The following GPR160 variants were observed in gnomAD, a reference collection of about 807,000 sequenced individuals.
The protein encoded by GPR160 is probable G protein-coupled receptor 160.
A neutral mutation model predicts 2.6 loss-of-function variants in GPR160; 2 were observed. The observed-to-expected ratio is 0.77, with a 90% CI of 0.32 to 2.44. GPR160 has a LOEUF of 2.44. Ranked by LOEUF, GPR160 falls within the 30% of genes most tolerant of loss-of-function variation. The pLI is 0.11. For synonymous variants in GPR160, 130 were observed against 132.2 expected (o/e 0.98, Z 0.12); for missense variants, 351 against 383.6 (o/e 0.91, Z 0.71).
intron 2 of GPR160, chr3:170,077,874 CTG>C (rs1475401092): frequency 4.8e-5 from 8 of 167,308 alleles, no homozygotes. Context: ...AGCTGGTGCC[CTG>C]TGTGAGGAAC....
At chr3:170,064,146 T>C (rs1324483466) in intron 2 of GPR160, among the ~76,000 whole-genome samples, 2 of 152,202 alleles carry the variant, frequency 1.3e-5, no homozygotes, top group Non-Finnish European at 2.9e-5. Flanking sequence ...GAGATGATAC[T>C]CTATTCTAAT....
chr3:170,043,793 A>T (rs1559980624), intron 2 of GPR160, among the ~76,000 whole-genome samples: 1 of 152,050 alleles, frequency 6.6e-6, no homozygotes. Flanking sequence ...GGGCCAGCAT[A>T]GAGCTTAAAA....
intron 2 of GPR160, among the ~76,000 whole-genome samples, chr3:170,068,818 G>A (rs1712462309): frequency 6.6e-6 from 1 of 151,942 alleles, no homozygotes; most frequent in Admixed American, 6.6e-5. Flanking sequence ...TTGTGGATTT[G>A]TTTAACTTTC....
At chr3:170,069,984 A>G (rs1240830328) in intron 2 of GPR160, among the ~76,000 whole-genome samples, 2 of 152,044 alleles carry the variant, frequency 1.3e-5, no homozygotes, top group Non-Finnish European at 2.9e-5. Context: ...GTGTACCAGC[A>G]TCCCTAGTAT....
intron 2 of GPR160, among the ~76,000 whole-genome samples, chr3:170,069,557 C>G (rs1248936268): frequency 2.0e-5 from 3 of 152,076 alleles, no homozygotes; most frequent in African/African-American, 7.2e-5. Flanking sequence ...ATTTTCCAGC[C>G]TCTGAAATTT....
chr3:170,074,419 G>A lies in GPR160; in HGVS notation c.-192-5355G>A, dbSNP rs147966178. On this transcript the variant is annotated intron_variant, in intron 2 of 3. Coordinates refer to ENST00000355897, the MANE Select transcript of GPR160 (RefSeq NM_014373.3). ...TTTTTTCCCCTAAAGAAGCAGTTTTGTATCGATTTTCTTTCTGTTGTTTTG... is the reference window on the plus strand; with the variant it reads ...TTTTTTCCCCTAAAGAAGCAGTTTTATATCGATTTTCTTTCTGTTGTTTTG... 9.2e-5 allele frequency among the ~76,000 whole-genome samples: 14 copies of A among 151,964 alleles called. No homozygotes were observed. In the East Asian group the frequency reaches 2.7e-3, roughly 29 times the overall value.
At chr3:170,052,133 C>T (rs1241386463) in intron 2 of GPR160, among the ~76,000 whole-genome samples, 3 of 152,228 alleles carry the variant, frequency 2.0e-5, no homozygotes, top group South Asian at 2.1e-4. Flanking sequence ...ACCATGTCGA[C>T]CAGGTTGATC....
intron 2 of GPR160, among the ~76,000 whole-genome samples, chr3:170,041,285 A>G (rs1576883754): frequency 6.7e-6 from 1 of 150,148 alleles, no homozygotes; most frequent in East Asian, 2.0e-4. Flanking sequence ...TCACTAGTCT[A>G]AAGGATGTAA....
intron 3 of GPR160, among the ~76,000 whole-genome samples, chr3:170,080,106 T>C (rs1002131254): frequency 3.9e-5 from 6 of 152,206 alleles, no homozygotes; most frequent in Admixed American, 6.5e-5. Context: ...TAAAGAATCA[T>C]GCAGGAAAAG....
At chr3:170,059,852 C>A (rs1040176790) in intron 2 of GPR160, among the ~76,000 whole-genome samples, 3 of 152,080 alleles carry the variant, frequency 2.0e-5, no homozygotes, top group Non-Finnish European at 4.4e-5. Flanking sequence ...ACTCCCCCCT[C>A]TAGCAGGCCC....
In GPR160 at chr3:170,038,291, C is replaced by T. The variant is rs985631579; in HGVS notation, c.-322+76C>T. 1 of 152,176 alleles carries T rather than the reference C, an allele frequency of 6.6e-6. No individual in the cohort carries two copies. Among genetic ancestry groups the T allele is most frequent in the Non-Finnish European group, 1.5e-5 (1 of 68,030 alleles). The allele number at this position is 152,176 out of a possible 1,614,324, so 9.4% of individuals were successfully genotyped here. ...CCAGCCTCGGGGCGGCGAACGGTCC[C>T]CGCGCCGCTCCCAGCCTCCCTGGCC... On this transcript the variant is annotated intron_variant, in intron 1 of 3. Coordinates refer to ENST00000355897, the MANE Select transcript of GPR160 (RefSeq NM_014373.3). This position sits in a 1 kb window ranked among gnomAD's most constrained non-coding sequence, Gnocchi z 5.3.
chr3:170,049,544 A>G (rs1559982560), intron 2 of GPR160, among the ~76,000 whole-genome samples: 1 of 152,248 alleles, frequency 6.6e-6, no homozygotes, highest in African/African-American at 2.4e-5. Context: ...GCAGGAGTAT[A>G]CAAAGTGCCC....
intron 3 of GPR160, among the ~76,000 whole-genome samples, chr3:170,080,583 GAC>G (rs1359374765): frequency 6.6e-6 from 1 of 152,164 alleles, no homozygotes; most frequent in Non-Finnish European, 1.5e-5. Context: ...TCCCCTAGGA[GAC>G]ACAAGCGTCC....
At chr3:170,072,985 C>T (rs895250335) in intron 2 of GPR160, among the ~76,000 whole-genome samples, 2 of 151,920 alleles carry the variant, frequency 1.3e-5, no homozygotes, top group Non-Finnish European at 1.5e-5. Flanking sequence ...AGTTTGAGAC[C>T]AACCTGGACA....
chr3:170,045,433 A>C (rs1250997796), intron 2 of GPR160, among the ~76,000 whole-genome samples: 3 of 135,414 alleles, frequency 2.2e-5, no homozygotes, highest in East Asian at 2.0e-4. Flanking sequence ...AAAAAAAAAA[A>C]AAAAAAAAAA....
chr3:170,045,408 C>CAAAAAAAAAAAAAAAAAAAAAAAAAA (rs368019452), intron 2 of GPR160, among the ~76,000 whole-genome samples: 3 of 33,640 alleles, frequency 8.9e-5, no homozygotes, highest in African/African-American at 1.0e-4. Context: ...ACTAAAAATA[C>CAAAAAAAAAAAAAAAAAAAAAAAAAA]AAAAAAAAAA....
intron 2 of GPR160, among the ~76,000 whole-genome samples, chr3:170,040,012 G>C (rs964769477): frequency 6.6e-6 from 1 of 151,936 alleles, no homozygotes; most frequent in Non-Finnish European, 1.5e-5. Context: ...CTTCAGGCAC[G>C]GGGGCCTGTC....
chr3:170,064,511 T>TCTC (rs1559987948), intron 2 of GPR160, among the ~76,000 whole-genome samples: 1 of 116,688 alleles, frequency 8.6e-6, no homozygotes, highest in Admixed American at 9.5e-5. Context: ...TTTCTTTTCT[T>TCTC]TTCTTTTTTT....
At chr3:170,055,647 T>A (rs1323013649) in intron 2 of GPR160, among the ~76,000 whole-genome samples, 1 of 152,218 alleles carries the variant, frequency 6.6e-6, no homozygotes, top group African/African-American at 2.4e-5. Context: ...AACTTTTTTT[T>A]TTTTTGAGAC....
Sources: gnomAD v4.1 joint callset for allele counts (sites outside exome capture counted in the v4.1 genomes callset) on GRCh38, gnomAD v4.1.1 for gene constraint, Gnocchi (gnomAD v3.1) non-coding constraint, MANE v1.5 for transcripts, NCBI Gene and HGNC (gene_info 2026-07-23, HGNC 2026-07-21) for gene names.